RNF150: variants seen among roughly 807,000 people sequenced by gnomAD.
RNF150 encodes the protein ring finger protein 150.
In RNF150, 24 loss-of-function variants were observed where a neutral mutation model predicts 39.3. That is an observed-to-expected ratio of 0.61 (90% CI 0.44 to 0.86). The LOEUF (loss-of-function observed/expected upper bound fraction) is 0.86. Among genes scored for constraint, RNF150 ranks in the 40% least tolerant of loss-of-function variants. The pLI, the probability that RNF150 is intolerant of heterozygous loss-of-function variation, is 0.00. For missense variants in RNF150, 502 were observed against 587.8 expected (o/e 0.85, Z 1.51); for synonymous variants, 255 against 227.3 (o/e 1.12, Z -1.10).
chr4:141,050,122 A>T (rs929962), intron 1 of RNF150, among the ~76,000 whole-genome samples: 115,748 of 151,932 alleles, frequency 0.76, 44,747 homozygotes, highest in Non-Finnish European at 0.84. Context: ...AGTATATATA[A>T]GTATATGTAC....
At chr4:140,927,641 TTTTTGTTTC>T (rs1262089956) in intron 4 of RNF150, among the ~76,000 whole-genome samples, 1 of 104,898 alleles carries the variant, frequency 9.5e-6, no homozygotes, top group Non-Finnish European at 1.8e-5. Flanking sequence ...ACCTCTTGTT[TTTTTGTTTC>T]TTTTTTTTTT....
intron 1 of RNF150, among the ~76,000 whole-genome samples, chr4:141,104,698 C>T (rs1219329316): frequency 1.3e-5 from 2 of 152,212 alleles, no homozygotes; most frequent in Admixed American, 1.3e-4. Context: ...TCGTCAACTT[C>T]CTTTTGCCAG....
At chr4:140,946,736 T>C (rs1237134328) in intron 4 of RNF150, among the ~76,000 whole-genome samples, 2 of 152,134 alleles carry the variant, frequency 1.3e-5, no homozygotes, top group Admixed American at 1.3e-4. Context: ...GAAATGTTGG[T>C]CTCAAGCGAT....
At chr4:140,953,519 AAG>A (rs1398351189) in intron 2 of RNF150, among the ~76,000 whole-genome samples, 3 of 16,236 alleles carry the variant, frequency 1.8e-4, no homozygotes, top group Non-Finnish European at 2.6e-4. Flanking sequence ...CATGTAATAA[AAG>A]ATTTTTTTTT....
intron 1 of RNF150, among the ~76,000 whole-genome samples, chr4:141,122,224 ACAGAGGAGTG>A (rs1726625981): frequency 6.6e-6 from 1 of 152,184 alleles, no homozygotes; most frequent in Admixed American, 6.5e-5. Flanking sequence ...TCCCCCAGAC[ACAGAGGAGTG>A]TAAGGGAGGA....
At chr4:141,186,792 C>A (rs1560772643) in intron 1 of RNF150, among the ~76,000 whole-genome samples, 3 of 151,502 alleles carry the variant, frequency 2.0e-5, no homozygotes, top group South Asian at 2.1e-4. Context: ...TTAATCTTTT[C>A]AAAAAAAACC....
intron 1 of RNF150, among the ~76,000 whole-genome samples, chr4:141,018,652 C>T (rs944840571): frequency 6.6e-6 from 1 of 152,082 alleles, no homozygotes; most frequent in Non-Finnish European, 1.5e-5. Context: ...GATTTCAGCA[C>T]AGAGTTTCCA....
chr4:140,906,990 A>T (rs1730404037), intron 6 of RNF150, among the ~76,000 whole-genome samples: 1 of 152,146 alleles, frequency 6.6e-6, no homozygotes, highest in African/African-American at 2.4e-5. Flanking sequence ...GTGGAGTGGC[A>T]CTCAGTGTTT....
chr4:140,977,362 C>T (rs554151115), intron 1 of RNF150, among the ~76,000 whole-genome samples: 3 of 152,202 alleles, frequency 2.0e-5, no homozygotes, highest in Admixed American at 6.5e-5. Context: ...TGAGTTATAA[C>T]GAAGCAAAGG....
At chr4:140,955,280 G>T (rs1001256959) in intron 2 of RNF150, among the ~76,000 whole-genome samples, 3 of 152,178 alleles carry the variant, frequency 2.0e-5, no homozygotes, top group African/African-American at 7.2e-5. Flanking sequence ...ACCTCATAGA[G>T]TGGTGCCATA....
At chr4:141,166,376 G>C (rs1727601565) in intron 1 of RNF150, among the ~76,000 whole-genome samples, 2 of 152,318 alleles carry the variant, frequency 1.3e-5, no homozygotes, top group South Asian at 4.2e-4. Context: ...GAGGTACAAA[G>C]AGGAGCTAGT....
intron 1 of RNF150, among the ~76,000 whole-genome samples, chr4:141,111,219 A>G (rs1440093836): frequency 1.3e-5 from 2 of 152,164 alleles, no homozygotes; most frequent in African/African-American, 4.8e-5. Flanking sequence ...TTTCCTCCCA[A>G]CTGTATTGTT....
chr4:141,146,454 A>C (rs1021386553), intron 1 of RNF150, among the ~76,000 whole-genome samples: 1 of 152,244 alleles, frequency 6.6e-6, no homozygotes, highest in Non-Finnish European at 1.5e-5. Context: ...GCATATGAGT[A>C]TGATCCCATA....
At chr4:140,896,607 C>T (rs1282868455) in intron 6 of RNF150, among the ~76,000 whole-genome samples, 3 of 99,234 alleles carry the variant, frequency 3.0e-5, no homozygotes, top group Non-Finnish European at 2.0e-5. Context: ...TTAGTGGGTG[C>T]AGCGCACCAG....
chr4:141,039,341 T>TGGTAGAGAAAGAAAGGGGAGGAAGGA (rs1481849430), intron 1 of RNF150, among the ~76,000 whole-genome samples: 11 of 142,084 alleles, frequency 7.7e-5, no homozygotes, highest in East Asian at 2.1e-4. Flanking sequence ...GAGGAGAAGG[T>TGGTAGAGAAAGAAAGGGGAGGAAGGA]GGTAGAGAAA....
chr4:140,968,821 T>A (rs900622938), intron 1 of RNF150, among the ~76,000 whole-genome samples: 1 of 151,670 alleles, frequency 6.6e-6, no homozygotes, highest in African/African-American at 2.4e-5. Context: ...TTCAGTAATA[T>A]CATACCAGAT....
intron 1 of RNF150, among the ~76,000 whole-genome samples, chr4:141,025,927 A>C (rs1735678511): frequency 6.6e-6 from 1 of 152,204 alleles, no homozygotes; most frequent in East Asian, 1.9e-4. Context: ...CCTTTCAACA[A>C]TGATTAGGTC....
At chr4:140,991,448 G>A (rs943531069) in intron 1 of RNF150, among the ~76,000 whole-genome samples, 3 of 152,040 alleles carry the variant, frequency 2.0e-5, no homozygotes, top group African/African-American at 7.2e-5. Context: ...TGGTGGTATT[G>A]TCTGGATTTT....
At chr4:141,027,908 A>ATTTTTT in intron 1 of RNF150, among the ~76,000 whole-genome samples, 1 of 59,106 alleles carries the variant, frequency 1.7e-5, no homozygotes. Flanking sequence ...TGAGCTTGGA[A>ATTTTTT]TTTGTTTTTT....
Sources: allele counts gnomAD v4.1 joint callset (sites outside exome capture counted in the v4.1 genomes callset), GRCh38; gene constraint gnomAD v4.1.1; transcripts MANE v1.5; gene names NCBI Gene and HGNC (gene_info 2026-07-23, HGNC 2026-07-21).